The following ANK3 variants were observed in gnomAD, a reference collection of about 807,000 sequenced individuals.
ANK3 encodes ankyrin 3, also known as ankyrin-3.
In ANK3, 57 loss-of-function variants were observed where a neutral mutation model predicts 370.9. The observed-to-expected ratio is 0.15, with a 90% confidence interval of 0.12 to 0.19. The LOEUF (loss-of-function observed/expected upper bound fraction) is 0.19. ANK3 is among the 10% of genes least tolerant of loss of function. ANK3 has a pLI of 1.00. For synonymous variants in ANK3, 1,929 were observed against 1,946.3 expected (o/e 0.99, Z 0.23); for missense variants, 4,439 against 5,302.1 (o/e 0.84, Z 5.06).
chr10:60,588,460 G>C (rs1198268431), intron 2 of ANK3, among the ~76,000 whole-genome samples: 2 of 151,792 alleles, frequency 1.3e-5, no homozygotes, highest in African/African-American at 4.8e-5. Context: ...TGGGATTACA[G>C]GCGTGAGCCA....
At chr10:60,433,754 C>T (rs2064090782) in intron 2 of ANK3, among the ~76,000 whole-genome samples, 1 of 152,212 alleles carries the variant, frequency 6.6e-6, no homozygotes, top group South Asian at 2.1e-4. Context: ...TAGAAAAACA[C>T]TCTTACTACA....
At position 60,453,296 on chromosome 10, in the gene ANK3, T is replaced by A. The variant is rs1404961004; in HGVS notation, c.96+161890A>T. On this transcript the variant is annotated intron_variant, in intron 2 of 43. Transcript: ENST00000373827. ...GTGCCAGCACAGACCGGGGGCTCTT[T>A]TCACCCTCTTTCACCACTCTGCACA... Among the ~76,000 whole-genome samples the A allele has an allele frequency of 6.6e-5, 10 of 152,176 alleles. No individual in the cohort carries two copies. In the East Asian group the frequency reaches 1.7e-3, roughly 26 times the overall value.
At chr10:60,491,992 T>G (rs974799646) in intron 2 of ANK3, among the ~76,000 whole-genome samples, 1 of 152,152 alleles carries the variant, frequency 6.6e-6, no homozygotes, top group Non-Finnish European at 1.5e-5. Flanking sequence ...AAACCTCATA[T>G]ACAACTGTGG....
intron 1 of ANK3, among the ~76,000 whole-genome samples, chr10:60,336,635 A>G (rs1305618375): frequency 6.6e-6 from 1 of 152,154 alleles, no homozygotes; most frequent in Non-Finnish European, 1.5e-5. Flanking sequence ...TATATTTTCT[A>G]AAATGAATGT....
intron 14 of ANK3, 24 bp from the exon 15 acceptor site, chr10:60,196,649 T>C: frequency 7.2e-7 from 1 of 1,396,032 alleles, no homozygotes; most frequent in Non-Finnish European, 9.9e-7. Context: ...AACATAAAAA[T>C]AATGAACAAT....
intron 1 of ANK3, among the ~76,000 whole-genome samples, chr10:60,621,822 C>T (rs2078341821): frequency 6.6e-6 from 1 of 152,114 alleles, no homozygotes; most frequent in Admixed American, 6.5e-5. Context: ...GATCCAATTA[C>T]TCAGCTGATA....
intron 13 of ANK3, 140 bp downstream of exon 13, chr10:60,199,989 T>G (rs1363445564): frequency 1.6e-6 from 1 of 630,244 alleles, no homozygotes; most frequent in South Asian, 2.0e-5. Flanking sequence ...ACAATGTTAC[T>G]TGGGTAGGGA....
At chr10:60,225,618 A>T (rs1332584764) in intron 8 of ANK3, among the ~76,000 whole-genome samples, 1 of 152,132 alleles carries the variant, frequency 6.6e-6, no homozygotes, top group African/African-American at 2.4e-5. Context: ...TCTGCCTTTT[A>T]TATATAGGAG....
At chr10:60,093,830 C>T (rs1350269059) in intron 28 of ANK3, among the ~76,000 whole-genome samples, 2 of 152,030 alleles carry the variant, frequency 1.3e-5, no homozygotes, top group Non-Finnish European at 2.9e-5. Flanking sequence ...AGAGAAGCTC[C>T]GAGGAGAAGC....
At chr10:60,315,921 T>G (rs1263242964) in intron 1 of ANK3, among the ~76,000 whole-genome samples, 2 of 152,208 alleles carry the variant, frequency 1.3e-5, no homozygotes, top group African/African-American at 4.8e-5. Context: ...ATTCTGATGG[T>G]TATATTTCAG....
At position 60,073,041 on chromosome 10, in the gene ANK3, GTGC is replaced by G. The variant is rs2083059411; in HGVS notation, c.7837_7839del (p.Ala2613del). ...GAATATTCTTTGCCATTTTTAGGGC[GTGC>G]CTTTTTCTCTGGGGACTGCAGTTCA... On this transcript the variant is annotated inframe_deletion, in exon 37 of 44. Transcript: ENST00000280772. The G allele has an allele frequency of 2.5e-6, 4 of 1,614,086 alleles. No homozygotes were observed. The highest frequency in any genetic ancestry group is 3.4e-6 in the Non-Finnish European group (4 of 1,180,002).
intron 8 of ANK3, among the ~76,000 whole-genome samples, chr10:60,234,254 T>G (rs1358192062): frequency 1.3e-5 from 2 of 152,224 alleles, no homozygotes; most frequent in Non-Finnish European, 2.9e-5. Context: ...GAAGTGAGAT[T>G]GCTGGATCAT....
intron 28 of ANK3, 28 bp downstream of exon 28, chr10:60,105,877 T>A: frequency 6.4e-7 from 1 of 1,569,158 alleles, no homozygotes; most frequent in Non-Finnish European, 8.6e-7. Flanking sequence ...TGCAGACATT[T>A]ACAGAACCAA....
chr10:60,615,082 C>A (rs1407872312), intron 2 of ANK3: 2 of 690,306 alleles, frequency 2.9e-6, no homozygotes, highest in South Asian at 2.7e-5. Context: ...TTAAAAGGAC[C>A]ATCTCCTGTA....
chr10:60,393,959 T>G (rs888856352), upstream of ANK3, among the ~76,000 whole-genome samples: 1 of 151,792 alleles, frequency 6.6e-6, no homozygotes, highest in African/African-American at 2.4e-5. Context: ...GTTCCAGGGC[T>G]GCCAGGGAGG....
chr10:60,030,530 G>A (rs2073218383), intron 43 of ANK3, among the ~76,000 whole-genome samples: 1 of 152,158 alleles, frequency 6.6e-6, no homozygotes, highest in Admixed American at 6.5e-5. Flanking sequence ...AGCATGCCCA[G>A]ATGAACTAAA....
At chr10:60,588,221 G>A (rs979960767) in intron 2 of ANK3, among the ~76,000 whole-genome samples, 1 of 148,890 alleles carries the variant, frequency 6.7e-6, no homozygotes, top group Non-Finnish European at 1.5e-5. Context: ...TTCTCACTTT[G>A]TCACCCAGGC....
intron 23 of ANK3, among the ~76,000 whole-genome samples, chr10:60,164,655 G>A (rs1344236983): frequency 6.6e-6 from 1 of 152,138 alleles, no homozygotes; most frequent in Admixed American, 6.5e-5. Flanking sequence ...AGATGCTACA[G>A]GAAGTTCAAT....
chr10:60,064,843 T>C (rs1272453483), intron 38 of ANK3, among the ~76,000 whole-genome samples: 2 of 152,112 alleles, frequency 1.3e-5, no homozygotes, highest in East Asian at 1.9e-4. Context: ...GCCTGGGCAA[T>C]AGAGCGAGAC....
Sources: allele counts gnomAD v4.1 joint callset (sites outside exome capture counted in the v4.1 genomes callset), GRCh38; gene constraint gnomAD v4.1.1; transcripts MANE v1.5; gene names NCBI Gene and HGNC (gene_info 2026-07-23, HGNC 2026-07-21).